The following IL21R variants were observed in gnomAD, a reference collection of about 807,000 sequenced individuals.
The protein encoded by IL21R is interleukin-21 receptor.
A neutral mutation model predicts 41.3 loss-of-function variants in IL21R; 14 were observed. The ratio of observed to expected loss-of-function variants is 0.34; its 90% CI spans 0.22 to 0.53. The LOEUF is 0.53. IL21R is among the 20% of genes least tolerant of loss of function. The probability of loss-of-function intolerance (pLI) is 0.94; values close to 1 mark genes in which losing one functional copy is unlikely to be tolerated. For synonymous variants in IL21R, 286 were observed against 287.6 expected, an observed-to-expected ratio of 0.99 and a Z score of 0.05; for missense variants, 588 against 681.6, an observed-to-expected ratio of 0.86 and a Z score of 1.53.
At chr16:27,403,076 G>A (rs536080702) in intron 1 of IL21R, 245 of 517,874 alleles carry the variant, frequency 4.7e-4, no homozygotes, top group Non-Finnish European at 7.7e-4. Flanking sequence ...TGCCCATTTC[G>A]CAGATGAGGC....
chr16:27,439,988 G>A (rs1255585400), intron 4 of IL21R, among the ~76,000 whole-genome samples: 3 of 151,932 alleles, frequency 2.0e-5, no homozygotes, highest in East Asian at 1.9e-4. Context: ...GCCGAGAGCC[G>A]GCCTCCACCT....
intron 1 of IL21R, among the ~76,000 whole-genome samples, chr16:27,409,060 G>C (rs2086788636): frequency 6.6e-6 from 1 of 151,882 alleles, no homozygotes; most frequent in Non-Finnish European, 1.5e-5. Flanking sequence ...TTTCCAAAGT[G>C]GTTGTGTCGA....
intron 4 of IL21R, 192 bp from the exon 5 acceptor site, chr16:27,442,770 T>A (rs75088323): frequency 2.0e-6 from 1 of 499,434 alleles, no homozygotes; most frequent in East Asian, 3.3e-5. Context: ...AGGTCCCAGA[T>A]GAATAAACTG....
chr16:27,423,819 A>G (rs2087034186), intron 1 of IL21R, among the ~76,000 whole-genome samples: 2 of 152,238 alleles, frequency 1.3e-5, no homozygotes. Context: ...ATAGACATGC[A>G]GGAAGAATTT....
At chr16:27,411,670 G>T (rs916054768) in intron 1 of IL21R, among the ~76,000 whole-genome samples, 3 of 151,916 alleles carry the variant, frequency 2.0e-5, no homozygotes, top group Non-Finnish European at 4.4e-5. Flanking sequence ...CGCCATCTTG[G>T]CCAGGCTGGT....
chr16:27,445,338 T>C, intron 7 of IL21R, 62 bp downstream of exon 7: 1 of 1,026,276 alleles, frequency 9.7e-7, no homozygotes. Flanking sequence ...CCCTGTATGA[T>C]ACATGCAGGG....
intron 1 of IL21R, among the ~76,000 whole-genome samples, chr16:27,426,895 T>G (rs1378215418): frequency 6.6e-6 from 1 of 151,936 alleles, no homozygotes; most frequent in Non-Finnish European, 1.5e-5. Context: ...ACATAGGTGG[T>G]TTTTGGCTCA....
chr16:27,442,860 G>A (rs1249935476), intron 4 of IL21R, 102 bp from the exon 5 acceptor site: 2 of 1,106,018 alleles, frequency 1.8e-6, no homozygotes, highest in African/African-American at 3.2e-5. Flanking sequence ...GTCAGGCATG[G>A]AGGCAGGGGT....
At chr16:27,435,717 G>A (rs1659522054) in intron 3 of IL21R, among the ~76,000 whole-genome samples, 1 of 151,850 alleles carries the variant, frequency 6.6e-6, no homozygotes, top group African/African-American at 2.4e-5. Flanking sequence ...GCCTCCCAAA[G>A]TGCTGGGATT....
chr16:27,404,716 T>C (rs1296552122), intron 1 of IL21R, among the ~76,000 whole-genome samples: 3 of 152,144 alleles, frequency 2.0e-5, no homozygotes, highest in Non-Finnish European at 4.4e-5. Flanking sequence ...CCCTTGTGAC[T>C]TTGAGCTGTG....
intron 1 of IL21R, chr16:27,403,087 A>G: frequency 1.8e-6 from 1 of 549,198 alleles, no homozygotes; most frequent in Non-Finnish European, 3.4e-6. Flanking sequence ...CAGATGAGGC[A>G]ATGAGGCTGC....
At chr16:27,418,851 C>A (rs894530207) in intron 1 of IL21R, among the ~76,000 whole-genome samples, 2 of 150,586 alleles carry the variant, frequency 1.3e-5, no homozygotes, top group Non-Finnish European at 3.0e-5. Flanking sequence ...ATTCTAAAAG[C>A]CTTTTTATAT....
intron 1 of IL21R, among the ~76,000 whole-genome samples, chr16:27,429,269 A>G (rs1351419609): frequency 6.6e-6 from 1 of 151,882 alleles, no homozygotes; most frequent in African/African-American, 2.4e-5. Context: ...TTTTTACAAC[A>G]TGGATGTTTA....
At chr16:27,411,145 G>A (rs2086815750) in intron 1 of IL21R, among the ~76,000 whole-genome samples, 1 of 152,046 alleles carries the variant, frequency 6.6e-6, no homozygotes, top group Non-Finnish European at 1.5e-5. Flanking sequence ...ATCTCTTTGA[G>A]ATGCTGTTTT....
At chr16:27,412,153 A>G (rs749206834) in intron 1 of IL21R, among the ~76,000 whole-genome samples, 1 of 152,210 alleles carries the variant, frequency 6.6e-6, no homozygotes, top group Non-Finnish European at 1.5e-5. Context: ...TCTTTTGCAT[A>G]TGGATATTTG....
intron 1 of IL21R, among the ~76,000 whole-genome samples, chr16:27,416,459 TTTCTGTTGCTC>T (rs1402984783): frequency 1.3e-5 from 2 of 152,182 alleles, no homozygotes; most frequent in Non-Finnish European, 2.9e-5. Flanking sequence ...TTTAGAGTAC[TTTCTGTTGCTC>T]TTCATTTCAC....
At chr16:27,419,757 C>G (rs1394396532) in intron 1 of IL21R, among the ~76,000 whole-genome samples, 3 of 151,974 alleles carry the variant, frequency 2.0e-5, no homozygotes, top group African/African-American at 7.2e-5. Context: ...GTACAAGGAG[C>G]ACACCCTAAA....
At chr16:27,431,755 A>G (rs2087176348) in intron 2 of IL21R, among the ~76,000 whole-genome samples, 1 of 151,892 alleles carries the variant, frequency 6.6e-6, no homozygotes, top group African/African-American at 2.4e-5. Flanking sequence ...GGTTCAAGCA[A>G]TTCTCATGCC....
intron 1 of IL21R, among the ~76,000 whole-genome samples, chr16:27,423,918 A>G (rs1163239622): frequency 6.6e-6 from 1 of 152,186 alleles, no homozygotes; most frequent in African/African-American, 2.4e-5. Flanking sequence ...TTTTTACCAG[A>G]CCAGTTGTAA....
Sources: allele counts gnomAD v4.1 joint callset (sites outside exome capture counted in the v4.1 genomes callset), GRCh38; gene constraint gnomAD v4.1.1; transcripts MANE v1.5; gene names NCBI Gene and HGNC (gene_info 2026-07-23, HGNC 2026-07-21).